RASAL2: variants seen among roughly 807,000 people sequenced by gnomAD.
RASAL2 encodes the protein RAS protein activator like 2, also known as ras GTPase-activating protein nGAP.
Under a neutral mutation model 128.9 loss-of-function variants are expected in RASAL2, and 58 were observed. The observed-to-expected ratio is 0.45, with a 90% CI of 0.36 to 0.56. The LOEUF is 0.56. Ranked by LOEUF, RASAL2 falls within the 20% of genes least tolerant of loss-of-function variation. The pLI is 0.00. For synonymous variants in RASAL2, 561 were observed against 580.8 expected (o/e 0.97, Z 0.49); for missense variants, 1,360 against 1,601.6 (o/e 0.85, Z 2.57).
At chr1:178,274,689 G>A (rs34056017) in intron 1 of RASAL2, among the ~76,000 whole-genome samples, 1,957 of 152,214 alleles carry the variant, frequency 0.013, 14 homozygotes, top group Non-Finnish European at 0.015. Context: ...CCAGGCTCAA[G>A]CAATCCTCCT....
intron 1 of RASAL2, among the ~76,000 whole-genome samples, chr1:178,122,740 T>C (rs190883866): frequency 6.6e-6 from 1 of 152,184 alleles, no homozygotes; most frequent in Non-Finnish European, 1.5e-5. Flanking sequence ...CTGGGATAAA[T>C]GTAGTTTTTT....
chr1:178,294,425 T>C (rs573496169), intron 2 of RASAL2, among the ~76,000 whole-genome samples: 1 of 152,298 alleles, frequency 6.6e-6, no homozygotes, highest in South Asian at 2.1e-4. Context: ...ATGATAACTA[T>C]GTAAAGGATA....
At chr1:178,242,055 T>C (rs985652089) in intron 1 of RASAL2, among the ~76,000 whole-genome samples, 3 of 152,206 alleles carry the variant, frequency 2.0e-5, no homozygotes, top group Non-Finnish European at 2.9e-5. Flanking sequence ...TGAGTGTATC[T>C]CTTTGGGTAG....
chr1:178,320,171 G>C (rs1241955392), intron 3 of RASAL2, among the ~76,000 whole-genome samples: 3 of 151,844 alleles, frequency 2.0e-5, no homozygotes, highest in Non-Finnish European at 4.4e-5. Flanking sequence ...CCAGCTGCGT[G>C]CTGGGAGAAC....
At chr1:178,186,731 A>G (rs1662315563) in intron 1 of RASAL2, among the ~76,000 whole-genome samples, 3 of 151,950 alleles carry the variant, frequency 2.0e-5, no homozygotes, top group Admixed American at 1.3e-4. Context: ...TCTTGGTTTT[A>G]TCCTGCATGG....
intron 1 of RASAL2, among the ~76,000 whole-genome samples, chr1:178,164,853 G>A (rs994914799): frequency 2.7e-4 from 41 of 151,162 alleles, no homozygotes; most frequent in African/African-American, 9.7e-4. Flanking sequence ...GTGTGTGTGT[G>A]TGTGTGTGTG....
At chr1:178,356,170 C>CAAAAA (rs34590206) in intron 3 of RASAL2, among the ~76,000 whole-genome samples, 3 of 73,932 alleles carry the variant, frequency 4.1e-5, no homozygotes, top group African/African-American at 8.7e-5. Flanking sequence ...GACTCTGTCT[C>CAAAAA]AAAAAAAAAA....
At chr1:178,364,509 C>G (rs148205530) in intron 3 of RASAL2, among the ~76,000 whole-genome samples, 2 of 152,300 alleles carry the variant, frequency 1.3e-5, no homozygotes, top group Non-Finnish European at 2.9e-5. Flanking sequence ...TAGCACCTCA[C>G]GTACTACCTA....
intron 1 of RASAL2, among the ~76,000 whole-genome samples, chr1:178,098,722 T>C (rs891151411): frequency 1.3e-5 from 2 of 152,200 alleles, no homozygotes; most frequent in African/African-American, 4.8e-5. Context: ...ATTTTAATAT[T>C]ATCAGAAGGA....
At chr1:178,155,093 G>T (rs1390395569) in intron 1 of RASAL2, among the ~76,000 whole-genome samples, 1 of 152,140 alleles carries the variant, frequency 6.6e-6, no homozygotes, top group Non-Finnish European at 1.5e-5. Flanking sequence ...AAAGTGCTGG[G>T]ATTGCAAGCG....
chr1:178,388,740 A>T (rs1246630796), intron 3 of RASAL2, among the ~76,000 whole-genome samples: 1 of 152,226 alleles, frequency 6.6e-6, no homozygotes, highest in East Asian at 1.9e-4. Context: ...GCATTACTGG[A>T]TCTGTGTAAA....
rs778302043 is a variant in RASAL2 at position 178,420,605 on chromosome 1, G to A, written c.659G>A (p.Arg220His). ...ACGAGCTTTCGGCTTCCATCCCTTC[G>A]CAGTACAGATGACAGGTAGGAAGTT... Reference protein sequence around the residue: ...RNTSFRLPSLRSTDDRSRGLP... With the variant: ...RNTSFRLPSLHSTDDRSRGLP... Residue 220 changes from arginine to histidine, a missense_variant, in exon 5 of 18, where the codon CGC (arginine) becomes CAC (histidine). Arg to His is a conservative substitution (Grantham distance 29). This residue lies in a region of RASAL2 where 617 missense variants were observed against 714.2 expected (regional missense o/e 0.86). Coordinates refer to ENST00000367649, the MANE Select transcript of RASAL2 (RefSeq NM_170692.4). 1.1e-5 allele frequency: 17 copies of A among 1,607,378 alleles called. No homozygotes were observed. Among genetic ancestry groups the A allele is most frequent in the South Asian group, 2.2e-5 (2 of 90,530 alleles).
intron 4 of RASAL2, among the ~76,000 whole-genome samples, chr1:178,408,361 G>A (rs1004657339): frequency 6.6e-6 from 1 of 152,092 alleles, no homozygotes; most frequent in Admixed American, 6.6e-5. Flanking sequence ...TCATAACTGT[G>A]AAAGAGAAAA....
chr1:178,320,564 G>T (rs944183633), intron 3 of RASAL2, among the ~76,000 whole-genome samples: 20 of 152,178 alleles, frequency 1.3e-4, no homozygotes, highest in African/African-American at 4.6e-4. Context: ...TTCCAGGTGC[G>T]TCCGTCACCC....
At chr1:178,445,930 T>C (rs1298289753) in intron 9 of RASAL2, among the ~76,000 whole-genome samples, 1 of 152,196 alleles carries the variant, frequency 6.6e-6, no homozygotes, top group Non-Finnish European at 1.5e-5. Flanking sequence ...ATATCAGCAG[T>C]GTCCACTGAT....
At chr1:178,348,148 G>GATAC (rs961784452) in intron 3 of RASAL2, among the ~76,000 whole-genome samples, 2 of 152,146 alleles carry the variant, frequency 1.3e-5, no homozygotes, top group African/African-American at 4.8e-5. Flanking sequence ...AACTGCCAAG[G>GATAC]ATACATAAGA....
At chr1:178,178,978 A>G (rs528202724) in intron 1 of RASAL2, among the ~76,000 whole-genome samples, 32 of 152,312 alleles carry the variant, frequency 2.1e-4, no homozygotes, top group South Asian at 1.9e-3. Context: ...TTTGCTATAT[A>G]CCACATACTA....
intron 1 of RASAL2, among the ~76,000 whole-genome samples, chr1:178,149,317 G>A (rs1444733379): frequency 6.6e-6 from 1 of 152,114 alleles, no homozygotes; most frequent in Non-Finnish European, 1.5e-5. Flanking sequence ...ATCTTAAGGA[G>A]TATGCCAAAA....
intron 1 of RASAL2, among the ~76,000 whole-genome samples, chr1:178,130,859 C>G (rs1660078506): frequency 6.6e-6 from 1 of 152,062 alleles, no homozygotes; most frequent in African/African-American, 2.4e-5. Context: ...TCGAGACCAT[C>G]CTGGCTAACA....
Sources: allele counts gnomAD v4.1 joint callset (sites outside exome capture counted in the v4.1 genomes callset), GRCh38; gene constraint gnomAD v4.1.1; regional missense constraint gnomAD v4.1.1; transcripts MANE v1.5; gene names NCBI Gene and HGNC (gene_info 2026-07-23, HGNC 2026-07-21).